The following UBE2R2 variants were observed in gnomAD, a reference collection of about 807,000 sequenced individuals.
The protein encoded by UBE2R2 is ubiquitin conjugating enzyme E2 R2.
Under a neutral mutation model 27.8 loss-of-function variants are expected in UBE2R2, and 1 was observed. The observed-to-expected ratio is 0.04, with a 90% CI of 0.01 to 0.17. UBE2R2 has a LOEUF of 0.17. Among genes scored for constraint, UBE2R2 ranks in the 10% least tolerant of loss-of-function variants. The pLI, the probability that UBE2R2 is intolerant of heterozygous loss-of-function variation, is 1.00. For missense variants in UBE2R2, 100 were observed against 291.0 expected, an observed-to-expected ratio of 0.34 and a Z score of 4.78; for synonymous variants, 106 against 113.3, an observed-to-expected ratio of 0.94 and a Z score of 0.41.
intron 1 of UBE2R2, among the ~76,000 whole-genome samples, chr9:33,861,044 C>A (rs1280493125): frequency 2.6e-5 from 4 of 151,272 alleles, no homozygotes; most frequent in African/African-American, 9.7e-5. Flanking sequence ...CTGCAAGCTC[C>A]GCCTCCTGGG....
At chr9:33,832,134 C>T (rs1407043647) in intron 1 of UBE2R2, among the ~76,000 whole-genome samples, 3 of 148,742 alleles carry the variant, frequency 2.0e-5, no homozygotes. Context: ...TATGGAGAAA[C>T]CCCGTCTCTA....
At chr9:33,831,759 A>T (rs1278728939) in intron 1 of UBE2R2, among the ~76,000 whole-genome samples, 1 of 152,036 alleles carries the variant, frequency 6.6e-6, no homozygotes, top group Non-Finnish European at 1.5e-5. Flanking sequence ...TCCCAGGTTC[A>T]TGCCATTCTC....
At position 33,862,142 on chromosome 9, in the gene UBE2R2, C is replaced by T. The variant is rs141811140; in HGVS notation, c.178-24739C>T. On this transcript the variant is annotated intron_variant, in intron 1 of 4. Transcript: ENST00000263228. ...TGCTGGAATTACAGGCATGAGCCAC[C>T]GTGCCCGGCCTGTTGATCCACTTTC... 8.4e-3 allele frequency among the ~76,000 whole-genome samples: 1,282 copies of T among 152,098 alleles called. 16 individuals are homozygous for T. Among genetic ancestry groups the T allele is most frequent in the African/African-American group, 0.028 (1,171 of 41,492 alleles).
intron 1 of UBE2R2, among the ~76,000 whole-genome samples, chr9:33,862,471 T>G (rs190601995): frequency 2.0e-5 from 3 of 152,320 alleles, no homozygotes; most frequent in Non-Finnish European, 4.4e-5. Context: ...GTCAATAAGC[T>G]TGATGTTTGA....
intron 1 of UBE2R2, among the ~76,000 whole-genome samples, chr9:33,840,546 A>G (rs73488966): frequency 0.012 from 1,855 of 152,248 alleles, 41 homozygotes; most frequent in African/African-American, 0.042. Flanking sequence ...TACTGAACTC[A>G]GAGACTTGGT....
At chr9:33,824,845 G>A (rs186209102) in intron 1 of UBE2R2, among the ~76,000 whole-genome samples, 3 of 150,624 alleles carry the variant, frequency 2.0e-5, no homozygotes, top group African/African-American at 4.9e-5. Flanking sequence ...ATGAAGTCTT[G>A]TAATTGCCAT....
intron 2 of UBE2R2, among the ~76,000 whole-genome samples, chr9:33,895,659 G>A (rs554677770): frequency 1.3e-5 from 2 of 151,740 alleles, no homozygotes; most frequent in South Asian, 2.1e-4. Flanking sequence ...TCTTAACATC[G>A]TAACTCTACA....
intron 1 of UBE2R2, among the ~76,000 whole-genome samples, chr9:33,829,141 T>A (rs1041909681): frequency 1.3e-5 from 2 of 152,192 alleles, no homozygotes; most frequent in Non-Finnish European, 2.9e-5. Context: ...GTGCTGGGAT[T>A]ATAGTTGTGA....
intron 1 of UBE2R2, among the ~76,000 whole-genome samples, chr9:33,820,931 G>T (rs960073407): frequency 6.6e-6 from 1 of 151,988 alleles, no homozygotes. Flanking sequence ...ATTTAATATC[G>T]CCAATCCACG....
At chr9:33,825,244 CTTTTTTTTT>C (rs71506138) in intron 1 of UBE2R2, among the ~76,000 whole-genome samples, 11,841 of 119,670 alleles carry the variant, frequency 0.099, 686 homozygotes, top group Non-Finnish European at 0.13. Flanking sequence ...AAAAGCAAAG[CTTTTTTTTT>C]TTTTTTTTTT....
intron 1 of UBE2R2, among the ~76,000 whole-genome samples, chr9:33,862,145 G>A (rs1563991865): frequency 6.6e-6 from 1 of 151,986 alleles, no homozygotes; most frequent in Non-Finnish European, 1.5e-5. Flanking sequence ...GAGCCACCGT[G>A]CCCGGCCTGT....
At chr9:33,833,025 A>G (rs186499665) in intron 1 of UBE2R2, among the ~76,000 whole-genome samples, 47 of 152,286 alleles carry the variant, frequency 3.1e-4, no homozygotes, top group Admixed American at 1.2e-3. Context: ...GTGTGGTACA[A>G]TGAGTCCTCA....
At chr9:33,867,688 G>T (rs80260643) in intron 1 of UBE2R2, among the ~76,000 whole-genome samples, 3 of 152,312 alleles carry the variant, frequency 2.0e-5, no homozygotes, top group African/African-American at 2.4e-5. Context: ...TTTGTGAAAT[G>T]CCTGTTCAAG....
rs750352043 is a variant in UBE2R2, at chr9:33,886,886, T to G, written c.183T>G (p.His61Gln). The change falls in exon 2 of 5, where the codon CAT (histidine) becomes CAG (glutamine). Residue 61 changes from histidine to glutamine, a missense_variant. This residue lies in a region of UBE2R2 where 43 missense variants were observed against 129.2 expected (regional missense o/e 0.33). Coordinates refer to ENST00000263228, the MANE Select transcript of UBE2R2 (RefSeq NM_017811.4). The part of the protein sequence containing the change: ...TLYEGGYFKA[H>Q]IKFPIDYPYS... Reference sequence around the variant, plus strand: ...TTCATTTTTTTTCTTTTCAGGCGCATATTAAATTTCCTATTGACTACCCCT... The same window carrying G: ...TTCATTTTTTTTCTTTTCAGGCGCAGATTAAATTTCCTATTGACTACCCCT... 6.3e-7 allele frequency: 1 copy of G among 1,581,610 alleles called. No individual in the cohort carries two copies. Among genetic ancestry groups the G allele is most frequent in the Non-Finnish European group, 8.5e-7 (1 of 1,172,534 alleles).
At chr9:33,843,706 T>G (rs911362024) in intron 1 of UBE2R2, among the ~76,000 whole-genome samples, 1 of 152,104 alleles carries the variant, frequency 6.6e-6, no homozygotes, top group African/African-American at 2.4e-5. Flanking sequence ...CTTGAACTCC[T>G]GACCTCAAAT....
Position 33,916,202 on chromosome 9 carries a change from G to C in UBE2R2, c.498-816G>C, listed in dbSNP as rs191467822. On this transcript the variant is annotated intron_variant, in intron 4 of 4. Coordinates refer to ENST00000263228, the MANE Select transcript of UBE2R2 (RefSeq NM_017811.4). Reference sequence around the variant, plus strand: ...CTAAAAATACAAAATTTAGCCCGGTGGGGTGGCGGGAGCCTGTAATCTCAG... The same window carrying C: ...CTAAAAATACAAAATTTAGCCCGGTCGGGTGGCGGGAGCCTGTAATCTCAG... 2.9e-3 allele frequency among the ~76,000 whole-genome samples: 447 copies of C among 152,242 alleles called. 2 individuals are homozygous for C. The highest frequency in any genetic ancestry group is 9.9e-3 in the African/African-American group (410 of 41,544).
At chr9:33,883,083 C>T (rs181593115) in intron 1 of UBE2R2, among the ~76,000 whole-genome samples, 2 of 152,140 alleles carry the variant, frequency 1.3e-5, no homozygotes, top group Admixed American at 1.3e-4. Context: ...AGCAAGGCTC[C>T]ACCTCAAAAA....
At chr9:33,868,601 AAT>A (rs1319756290) in intron 1 of UBE2R2, 1 of 152,374 alleles carries the variant, frequency 6.6e-6, no homozygotes, top group Non-Finnish European at 1.5e-5. Flanking sequence ...CAGCACTGCT[AAT>A]GCCTACACAA....
rs1020730335 is a variant in UBE2R2 at position 33,817,723 on chromosome 9, C to G, written c.-35C>G. ...CCGGCCGGTGCGTGAGGACTGGGGC[C>G]CGGGCCCGGCGCCGCCGCCGCCGCC... On this transcript the variant is annotated 5_prime_UTR_variant, in exon 1 of 5. Coordinates refer to ENST00000263228, the MANE Select transcript of UBE2R2 (RefSeq NM_017811.4). 8.8e-6 allele frequency: 13 copies of G among 1,480,294 alleles called. No individual in the cohort carries two copies. The highest frequency in any genetic ancestry group is 1.2e-5 in the Non-Finnish European group (13 of 1,112,824). 91.7% of individuals were successfully genotyped at this position (1,480,294 alleles called of 1,614,324 possible).
Sources: gnomAD v4.1 joint callset for allele counts (sites outside exome capture counted in the v4.1 genomes callset) on GRCh38, gnomAD v4.1.1 for gene constraint, gnomAD v4.1.1 regional missense constraint, MANE v1.5 for transcripts, NCBI Gene and HGNC (gene_info 2026-07-23, HGNC 2026-07-21) for gene names.